The following MAP3K5 variants were observed in gnomAD, a reference collection of about 807,000 sequenced individuals.
MAP3K5 encodes mitogen-activated protein kinase kinase kinase 5, also known as ASK-1.
In MAP3K5, 56 loss-of-function variants were observed where a neutral mutation model predicts 158.7. The observed-to-expected ratio is 0.35, with a 90% CI of 0.28 to 0.44. The LOEUF (loss-of-function observed/expected upper bound fraction) is 0.44, where lower values mean the gene tolerates loss of function less well. Ranked by LOEUF, MAP3K5 falls within the 20% of genes least tolerant of loss-of-function variation. The pLI is 1.00. For synonymous variants in MAP3K5, 579 were observed against 601.7 expected, an observed-to-expected ratio of 0.96 and a Z score of 0.55; for missense variants, 1,294 against 1,674.8, an observed-to-expected ratio of 0.77 and a Z score of 3.97.
At chr6:136,583,503 T>C (rs991997565) in intron 24 of MAP3K5, 52 bp downstream of exon 24, 4 of 1,470,534 alleles carry the variant, frequency 2.7e-6, no homozygotes, top group Admixed American at 4.4e-5. Context: ...TTATCTTATT[T>C]TTCTAACTAA....
At chr6:136,604,936 T>A (rs1354465698) in intron 19 of MAP3K5, among the ~76,000 whole-genome samples, 1 of 152,184 alleles carries the variant, frequency 6.6e-6, no homozygotes, top group Non-Finnish European at 1.5e-5. Flanking sequence ...TTCAGTATAG[T>A]CATGTGTTAT....
intron 14 of MAP3K5, among the ~76,000 whole-genome samples, chr6:136,625,019 G>T (rs1314806177): frequency 6.6e-6 from 1 of 152,186 alleles, no homozygotes; most frequent in Non-Finnish European, 1.5e-5. Flanking sequence ...AAAGGTGACT[G>T]CAGAAGCTAG....
intron 18 of MAP3K5, 54 bp from the exon 19 acceptor site, chr6:136,605,420 C>A: frequency 6.8e-7 from 1 of 1,460,928 alleles, no homozygotes; most frequent in Non-Finnish European, 9.3e-7. Context: ...AGAAGGGTAT[C>A]TAATGACAGT....
At chr6:136,761,346 A>G (rs1204085575) in intron 1 of MAP3K5, among the ~76,000 whole-genome samples, 2 of 151,422 alleles carry the variant, frequency 1.3e-5, no homozygotes, top group East Asian at 3.9e-4. Context: ...AAAATGCAAG[A>G]GTGCATGCAG....
chr6:136,749,245 C>T (rs1301543151), intron 1 of MAP3K5, among the ~76,000 whole-genome samples: 5 of 152,002 alleles, frequency 3.3e-5, no homozygotes, highest in East Asian at 1.9e-4. Context: ...TGGTGGCACG[C>T]GCCTCTAATC....
chr6:136,672,173 T>C (rs1007471336), intron 7 of MAP3K5, among the ~76,000 whole-genome samples: 4 of 152,170 alleles, frequency 2.6e-5, no homozygotes, highest in African/African-American at 9.7e-5. Context: ...GGGGGAAAGC[T>C]TGTGTTTCCA....
intron 1 of MAP3K5, among the ~76,000 whole-genome samples, chr6:136,743,528 G>A (rs566211015): frequency 4.9e-4 from 74 of 152,176 alleles, no homozygotes; most frequent in African/African-American, 1.8e-3. Flanking sequence ...AAACACTGAC[G>A]CCATCAAAGG....
At chr6:136,568,313 A>G (rs1562511389) in intron 25 of MAP3K5, among the ~76,000 whole-genome samples, 2 of 152,242 alleles carry the variant, frequency 1.3e-5, no homozygotes, top group African/African-American at 2.4e-5. Context: ...CTATACAGAG[A>G]TTATATAAAC....
chr6:136,707,346 G>A (rs1781121227), intron 2 of MAP3K5, among the ~76,000 whole-genome samples: 1 of 152,230 alleles, frequency 6.6e-6, no homozygotes, highest in Admixed American at 6.5e-5. Flanking sequence ...TGAAGATTGA[G>A]AAAGCCTGGG....
chr6:136,769,738 GGGAA>G (rs1209835950), intron 1 of MAP3K5, among the ~76,000 whole-genome samples: 530 of 52,288 alleles, frequency 0.01, 34 homozygotes, highest in Non-Finnish European at 0.012. Flanking sequence ...AAGGGAGGAA[GGGAA>G]GGAAGGAAGG....
Position 136,592,239 on chromosome 6 carries a change from G to A in MAP3K5, c.3159C>T (p.Thr1053=). The change falls in exon 23 of 30, where the codon ACC becomes ACT. Residue 1053 remains threonine, a synonymous_variant. Coordinates refer to ENST00000359015, the MANE Select transcript of MAP3K5 (RefSeq NM_005923.4). ...MLRKDSERRA[T]LHRILTEDQD... is the part of the protein sequence containing the mutation. ...GGTCTTCCGTCAGGATCCTGTGAAG[G>A]GTAGCTCGCCTCTCACTGTCCTTCC... 3.1e-6 allele frequency: 5 copies of A among 1,612,116 alleles called. No individual in the cohort carries two copies. Among genetic ancestry groups the A allele is most frequent in the Non-Finnish European group, 3.4e-6 (4 of 1,179,198 alleles).
At chr6:136,651,548 G>A (rs1342054913) in intron 10 of MAP3K5, among the ~76,000 whole-genome samples, 1 of 152,076 alleles carries the variant, frequency 6.6e-6, no homozygotes, top group Non-Finnish European at 1.5e-5. Flanking sequence ...GTAGTAGTAT[G>A]GTTTTCATAC....
In MAP3K5 at chr6:136,583,552, T is replaced by TA. The variant is rs1184074403; in HGVS notation, c.3411+2dup. 1 of 1,611,596 alleles carries TA rather than the reference T, an allele frequency of 6.2e-7. No individual in the cohort carries two copies. Among genetic ancestry groups the TA allele is most frequent in the Non-Finnish European group, 8.5e-7 (1 of 1,178,922 alleles). ...GAAAACACTGGCAAAATATCATACT[T>TA]ACAGCATCTTGAAAACCAAAGAGTA... is the stretch of plus-strand genomic sequence containing the variant. On this transcript the variant is annotated splice_region_variant and intron_variant, in intron 24 of 29. Transcript: ENST00000359015.
intron 18 of MAP3K5, among the ~76,000 whole-genome samples, chr6:136,607,510 A>T (rs1052755836): frequency 2.2e-4 from 33 of 152,234 alleles, no homozygotes; most frequent in Non-Finnish European, 4.1e-4. Flanking sequence ...CAATTTACGA[A>T]GCTGGATAAT....
chr6:136,792,002 G>T lies in MAP3K5; in HGVS notation c.156C>A (p.Gly52=), dbSNP rs1785098726. 3.1e-6 allele frequency: 5 copies of T among 1,591,006 alleles called. No individual in the cohort carries two copies. The highest frequency in any genetic ancestry group is 4.3e-6 in the Non-Finnish European group (5 of 1,172,664). Residue 52 remains glycine, a synonymous_variant, in exon 1 of 30, where the codon GGC becomes GGA. Transcript: ENST00000359015. The surrounding 1 kb of genome is among the most constrained non-coding windows in gnomAD (Gnocchi z 5.7). The stretch of plus-strand genomic sequence containing the variant: ...CGGCGCTCTCCACGTTCCAGAAGCT[G>T]CCCGGCGGCGGCGGTGGCAGCTGGT... ...EEHQLPPPPP[G]SFWNVESAAA... is the part of the protein sequence containing the mutation.
intron 15 of MAP3K5, among the ~76,000 whole-genome samples, chr6:136,615,191 T>C (rs1276677605): frequency 1.3e-5 from 2 of 152,210 alleles, no homozygotes; most frequent in Admixed American, 1.3e-4. Context: ...AAAAATCAAA[T>C]TGGCTTTTAT....
rs527623979 is a variant in MAP3K5 at position 136,610,144 on chromosome 6, T to A, written c.2521+1138A>T. 9.9e-5 allele frequency among the ~76,000 whole-genome samples: 15 copies of A among 151,076 alleles called. No individual in the cohort carries two copies. The East Asian group carries it at 1.7e-3, about 17-fold the overall frequency. On this transcript the variant is annotated intron_variant, in intron 18 of 29. Coordinates refer to ENST00000359015, the MANE Select transcript of MAP3K5 (RefSeq NM_005923.4). The stretch of plus-strand genomic sequence containing the variant: ...TCTCTTCCCTTCCCCTTACCCTTTT[T>A]TTTTTCCTGCTAAATTTCTCTCTAT...
At chr6:136,560,071 A>T (rs926172993) in intron 28 of MAP3K5, among the ~76,000 whole-genome samples, 7 of 143,734 alleles carry the variant, frequency 4.9e-5, no homozygotes, top group Non-Finnish European at 3.0e-5. Flanking sequence ...AAATTTAAAT[A>T]TAAAACAAAA....
chr6:136,779,909 C>T (rs1166444471), intron 1 of MAP3K5, among the ~76,000 whole-genome samples: 1 of 152,196 alleles, frequency 6.6e-6, no homozygotes, highest in Non-Finnish European at 1.5e-5. Context: ...GCAAGGTATT[C>T]TGGGACCCTC....
Sources: allele counts gnomAD v4.1 joint callset (sites outside exome capture counted in the v4.1 genomes callset), GRCh38; gene constraint gnomAD v4.1.1; non-coding constraint Gnocchi (gnomAD v3.1); transcripts MANE v1.5; gene names NCBI Gene and HGNC (gene_info 2026-07-23, HGNC 2026-07-21).